Variants in KHDRBS2 observed in about 807,000 individuals in gnomAD.
KHDRBS2 encodes the protein KH domain-containing, RNA-binding, signal transduction-associated protein 2.
A neutral mutation model predicts 44.3 loss-of-function variants in KHDRBS2; 26 were observed. The observed-to-expected ratio is 0.59, with a 90% CI of 0.43 to 0.81. The LOEUF (loss-of-function observed/expected upper bound fraction) is 0.81, where lower values mean the gene tolerates loss of function less well. Among genes scored for constraint, KHDRBS2 ranks in the 40% least tolerant of loss-of-function variants. The pLI is 0.00. For synonymous variants in KHDRBS2, 194 were observed against 151.1 expected (o/e 1.28, Z -2.08); for missense variants, 476 against 433.1 (o/e 1.10, Z -0.88).
At chr6:62,116,745 T>A (rs1322562085) in intron 2 of KHDRBS2, among the ~76,000 whole-genome samples, 1 of 152,136 alleles carries the variant, frequency 6.6e-6, no homozygotes, top group Admixed American at 6.5e-5. Context: ...TGCCAGTCTC[T>A]CTTCATTTTC....
chr6:61,580,096 CAG>C, the KHDRBS2 span, among the ~76,000 whole-genome samples: 5 of 152,112 alleles, frequency 3.3e-5, no homozygotes, highest in Non-Finnish European at 4.4e-5. Flanking sequence ...TGAATGAAAA[CAG>C]AGATCTTACA....
intron 1 of KHDRBS2, among the ~76,000 whole-genome samples, chr6:62,230,877 A>T (rs1832788108): frequency 6.6e-6 from 1 of 152,106 alleles, no homozygotes; most frequent in African/African-American, 2.4e-5. Context: ...CCATGATCAG[A>T]ATTGGTTAAG....
intron 6 of KHDRBS2, among the ~76,000 whole-genome samples, chr6:61,893,305 T>A (rs1802324947): frequency 6.6e-6 from 1 of 152,236 alleles, no homozygotes; most frequent in Non-Finnish European, 1.5e-5. Flanking sequence ...TTGGTGCGAC[T>A]GTAAACTAGT....
chr6:61,717,142 A>T (rs1416485678), intron 7 of KHDRBS2, among the ~76,000 whole-genome samples: 1 of 152,040 alleles, frequency 6.6e-6, no homozygotes, highest in African/African-American at 2.4e-5. Context: ...AACTATTTTA[A>T]TGGTATATTT....
chr6:62,098,110 A>T (rs1046523279), intron 2 of KHDRBS2, among the ~76,000 whole-genome samples: 9 of 152,134 alleles, frequency 5.9e-5, no homozygotes, highest in Admixed American at 5.9e-4. Context: ...CCATTAATAT[A>T]GTCATTTTTA....
intron 2 of KHDRBS2, among the ~76,000 whole-genome samples, chr6:62,157,854 G>GT (rs1253730185): frequency 6.6e-6 from 1 of 152,112 alleles, no homozygotes; most frequent in Admixed American, 6.5e-5. Flanking sequence ...AGATATCAAA[G>GT]TAAGATTTAT....
intron 6 of KHDRBS2, among the ~76,000 whole-genome samples, chr6:61,782,898 T>C (rs1343227072): frequency 6.6e-6 from 1 of 151,756 alleles, no homozygotes; most frequent in Admixed American, 6.6e-5. Context: ...GCCATATTCT[T>C]CTTATGGCAA....
intron 4 of KHDRBS2, among the ~76,000 whole-genome samples, chr6:61,975,653 G>GCACACACACACACACACA (rs567222441): frequency 4.5e-5 from 4 of 88,322 alleles, no homozygotes; most frequent in African/African-American, 1.3e-4. Context: ...TAAGCAAGAT[G>GCACACACACACACACACA]CACACACACA....
At chr6:61,597,184 G>T in the KHDRBS2 span, among the ~76,000 whole-genome samples, 1 of 152,244 alleles carries the variant, frequency 6.6e-6, no homozygotes, top group African/African-American at 2.4e-5. Flanking sequence ...GGTGGTTTAG[G>T]TACAGAGGAG....
At chr6:61,769,269 C>CTGCCGGGTTCATCTCACTGGAGAG (rs1780464081) in intron 6 of KHDRBS2, among the ~76,000 whole-genome samples, 2 of 152,108 alleles carry the variant, frequency 1.3e-5, no homozygotes, top group Non-Finnish European at 2.9e-5. Flanking sequence ...GCATTTCCAA[C>CTGCCGGGTTCATCTCACTGGAGAG]TGAGGTACCG....
intron 3 of KHDRBS2, among the ~76,000 whole-genome samples, chr6:61,997,566 A>G (rs1777438984): frequency 6.6e-6 from 1 of 152,138 alleles, no homozygotes; most frequent in African/African-American, 2.4e-5. Flanking sequence ...TGTCATTGCC[A>G]TCTAAGCCCA....
At chr6:62,124,773 TGAATG>T (rs1286724190) in intron 2 of KHDRBS2, among the ~76,000 whole-genome samples, 2 of 152,182 alleles carry the variant, frequency 1.3e-5, no homozygotes, top group Non-Finnish European at 2.9e-5. Flanking sequence ...ATTGCTGAAT[TGAATG>T]GTAGTTCAAT....
chr6:61,778,840 T>C (rs1402723217), intron 6 of KHDRBS2, among the ~76,000 whole-genome samples: 1 of 152,196 alleles, frequency 6.6e-6, no homozygotes, highest in Non-Finnish European at 1.5e-5. Context: ...AGCCTAACCA[T>C]TTGGTCTTGA....
At chr6:62,230,322 C>T (rs976074582) in intron 1 of KHDRBS2, among the ~76,000 whole-genome samples, 52 of 152,154 alleles carry the variant, frequency 3.4e-4, no homozygotes, top group African/African-American at 1.2e-3. Context: ...GAAACTTCTG[C>T]AGTGTTCTTC....
chr6:62,171,476 G>C (rs1275191207), intron 2 of KHDRBS2, among the ~76,000 whole-genome samples: 2 of 151,942 alleles, frequency 1.3e-5, no homozygotes, highest in East Asian at 3.9e-4. Flanking sequence ...ATCCCTGAAA[G>C]AGAGAGAGAA....
chr6:62,281,763 A>C (rs537883379), intron 1 of KHDRBS2, among the ~76,000 whole-genome samples: 1 of 152,234 alleles, frequency 6.6e-6, no homozygotes, highest in African/African-American at 2.4e-5. Context: ...TTTTCCTGTT[A>C]TATAGATGAA....
intron 3 of KHDRBS2, among the ~76,000 whole-genome samples, chr6:62,039,223 A>G (rs1785944599): frequency 6.7e-6 from 1 of 149,638 alleles, no homozygotes; most frequent in Non-Finnish European, 1.5e-5. Context: ...TAAATAAAAT[A>G]ACATGTACAT....
chr6:62,232,562 C>T (rs1208095883), intron 1 of KHDRBS2, among the ~76,000 whole-genome samples: 2 of 152,056 alleles, frequency 1.3e-5, no homozygotes, highest in African/African-American at 4.8e-5. Flanking sequence ...TACACACCTA[C>T]ACACCTGAAA....
intron 3 of KHDRBS2, among the ~76,000 whole-genome samples, chr6:62,002,609 T>C (rs1235421040): frequency 6.6e-6 from 1 of 151,286 alleles, no homozygotes; most frequent in East Asian, 2.0e-4. Context: ...ATTTCAATCG[T>C]AATGTAGAAT....
Sources: gnomAD v4.1 joint callset for allele counts (sites outside exome capture counted in the v4.1 genomes callset) on GRCh38, gnomAD v4.1.1 for gene constraint, MANE v1.5 for transcripts, NCBI Gene and HGNC (gene_info 2026-07-23, HGNC 2026-07-21) for gene names.